CCDC51: variants seen among roughly 807,000 people sequenced by gnomAD.
CCDC51 encodes the protein mitochondrial potassium channel.
A neutral mutation model predicts 24.8 loss-of-function variants in CCDC51; 25 were observed. The observed-to-expected ratio is 1.01, with a 90% CI of 0.73 to 1.41. The LOEUF is 1.41. Ranked by LOEUF, CCDC51 falls within the 40% of genes most tolerant of loss-of-function variation. The pLI is 0.00. For missense variants in CCDC51, 466 were observed against 519.1 expected, an observed-to-expected ratio of 0.90 and a Z score of 0.99; for synonymous variants, 190 against 204.3, an observed-to-expected ratio of 0.93 and a Z score of 0.60.
chr3:48,438,880 A>G (rs1440219340), intron 1 of CCDC51, among the ~76,000 whole-genome samples: 1 of 152,104 alleles, frequency 6.6e-6, no homozygotes, highest in Non-Finnish European at 1.5e-5. Flanking sequence ...GAACCTACCC[A>G]CTGGCTCTCA....
chr3:48,440,716 CCTGAA>C, upstream of CCDC51: 1 of 1,204,410 alleles, frequency 8.3e-7, no homozygotes, highest in South Asian at 1.3e-5. Flanking sequence ...TTTCCTGCCT[CCTGAA>C]CTGCGAGGTC....
Position 48,432,837 on chromosome 3 carries a change from C to T in CCDC51, c.807G>A (p.Leu269=). The T allele has an allele frequency of 6.2e-7, 1 of 1,613,706 alleles. No individual in the cohort carries two copies. The highest frequency in any genetic ancestry group is 8.5e-7 in the Non-Finnish European group (1 of 1,179,726). ...QRDLHNLMVD[L]RGLVHAAGPG... ...GCCCAGCAGCATGTACCAGGCCCCT[C>T]AGGTCCACCATGAGATTGTGGAGGT... The change falls in exon 4 of 4, where the codon CTG becomes CTA. Residue 269 remains leucine (L), a synonymous_variant. Coordinates refer to ENST00000395694, the MANE Select transcript of CCDC51 (RefSeq NM_001256964.2).
In CCDC51 at chr3:48,433,767, A is replaced by C; in HGVS notation, c.417T>G (p.Arg139=). The C allele has an allele frequency of 6.2e-7, 1 of 1,614,062 alleles. No homozygotes were observed. The highest frequency in any genetic ancestry group is 8.5e-7 in the Non-Finnish European group (1 of 1,179,996). ...KLKEVRDRLD[R]VSREDSQYLE... ...AGTACTGACTGTCCTCCCTGGAGAC[A>C]CGGTCCAAGCGGTCCCTCACCTCCT... The change falls in exon 3 of 4, where the codon CGT becomes CGG. Residue 139 remains arginine (R), a synonymous_variant. Transcript: ENST00000395694. This position sits in a 1 kb window ranked among gnomAD's most constrained non-coding sequence, Gnocchi z 4.4.
At chr3:48,440,609 C>G, upstream of CCDC51, 1 of 1,611,528 alleles carries the variant, frequency 6.2e-7, no homozygotes, top group Non-Finnish European at 8.5e-7. Flanking sequence ...AAGCGAAGGC[C>G]GCGGGGAAGG....
intron 1 of CCDC51, among the ~76,000 whole-genome samples, chr3:48,438,537 G>A (rs1004789043): frequency 1.3e-5 from 2 of 151,854 alleles, no homozygotes; most frequent in Admixed American, 6.6e-5. Context: ...CAACAACCTC[G>A]CATCACCCCT....
Position 48,434,960 on chromosome 3 carries a change from G to A in CCDC51, c.169C>T (p.His57Tyr). Reference protein sequence around the residue: ...KRPEEVALGLHHRLPALGRAL... With the variant: ...KRPEEVALGLYHRLPALGRAL... ...CTTCCCAGTGCTGGGAGGCGGTGGT[G>A]CAGCCCCAGGGCCACCTCCTCAGGT... Residue 57 changes from histidine to tyrosine, a missense_variant, in exon 2 of 4, where the codon CAC becomes TAC. By Grantham distance (83) the His-to-Tyr change is moderately conservative. Transcript: ENST00000395694. The A allele has an allele frequency of 6.2e-7, 1 of 1,614,234 alleles. No homozygotes were observed. The highest frequency in any genetic ancestry group is 8.5e-7 in the Non-Finnish European group (1 of 1,180,050).
At chr3:48,441,462 C>T (rs1393873994), upstream of CCDC51, among the ~76,000 whole-genome samples, 2 of 150,548 alleles carry the variant, frequency 1.3e-5, no homozygotes, top group African/African-American at 4.9e-5. Context: ...GGATTACAAG[C>T]GTGAGCCACA....
upstream of CCDC51, among the ~76,000 whole-genome samples, chr3:48,442,465 T>A (rs2039593182): frequency 6.6e-6 from 1 of 151,084 alleles, no homozygotes; most frequent in Non-Finnish European, 1.5e-5. Context: ...TTTTTTTTTT[T>A]TTTTTTTAAA....
upstream of CCDC51, chr3:48,440,666 G>C (rs759347675): frequency 2.0e-5 from 31 of 1,579,366 alleles, no homozygotes; most frequent in Admixed American, 5.2e-5. Context: ...CTGGCCAAAC[G>C]CTATGAGCAC....
chr3:48,432,575 T>C lies in CCDC51; in HGVS notation c.1069A>G (p.Met357Val). Residue 357 changes from methionine (M) to valine (V), a missense_variant, in exon 4 of 4, where the codon ATG (methionine) becomes GTG (valine). Transcript: ENST00000395694. ...PGLVEPADGA[M>V]PSFLLEQGSM... Reference sequence around the variant, plus strand: ...CCCTGCTCCAGCAAGAAGCTGGGCATAGCCCCGTCTGCTGGTTCCACCAGG... The same window carrying C: ...CCCTGCTCCAGCAAGAAGCTGGGCACAGCCCCGTCTGCTGGTTCCACCAGG... 1 of 1,614,264 alleles carries C rather than the reference T, an allele frequency of 6.2e-7. No individual in the cohort carries two copies. Among genetic ancestry groups the C allele is most frequent in the Non-Finnish European group, 8.5e-7 (1 of 1,180,042 alleles).
In CCDC51 at chr3:48,433,410, G is replaced by A. The variant is rs1316775482; in HGVS notation, c.478-244C>T. On this transcript the variant is annotated intron_variant, in intron 3 of 3. Coordinates refer to ENST00000395694, the MANE Select transcript of CCDC51 (RefSeq NM_001256964.2). This position sits in a 1 kb window ranked among gnomAD's most constrained non-coding sequence, Gnocchi z 4.4. Reference sequence around the variant, plus strand: ...TGGGTTTGACCAGAGGTGCACTTATGTCTACACAAAGGGAAGTGTCCAGCA... The same window carrying A: ...TGGGTTTGACCAGAGGTGCACTTATATCTACACAAAGGGAAGTGTCCAGCA... 6.6e-6 allele frequency among the ~76,000 whole-genome samples: 1 copy of A among 152,208 alleles called. No homozygotes were observed. Among genetic ancestry groups the A allele is most frequent in the Non-Finnish European group, 1.5e-5 (1 of 68,042 alleles).
Position 48,440,053 on chromosome 3 carries a change from G to T in CCDC51, c.-74C>A. The T allele has an allele frequency of 1.6e-6, 1 of 620,570 alleles. No homozygotes were observed. Among genetic ancestry groups the T allele is most frequent in the South Asian group, 2.4e-5 (1 of 41,594 alleles). The allele number at this position is 620,570 out of a possible 1,614,324, so 38.4% of individuals were successfully genotyped here. ...CCGTCCGGTTAAGTACCCCTCCTAC[G>T]GTTCCGATTCTACCCTGGCAGGACA... On this transcript the variant is annotated 5_prime_UTR_variant, in exon 1 of 4. Transcript: ENST00000395694.
chr3:48,440,478 C>CA (rs772745215), upstream of CCDC51: 2 of 1,608,856 alleles, frequency 1.2e-6, no homozygotes, highest in African/African-American at 1.3e-5. Context: ...GGCGCGGAGG[C>CA]ACTGGCGGGT....
intron 1 of CCDC51, among the ~76,000 whole-genome samples, chr3:48,438,624 CCT>C (rs2039443360): frequency 6.6e-6 from 1 of 152,194 alleles, no homozygotes; most frequent in African/African-American, 2.4e-5. Context: ...GATCCCTCCT[CCT>C]CTCACCTCTG....
chr3:48,441,560 G>A (rs1422819333), upstream of CCDC51, among the ~76,000 whole-genome samples: 1 of 151,536 alleles, frequency 6.6e-6, no homozygotes, highest in African/African-American at 2.4e-5. Context: ...TTTACTTCTG[G>A]GTATGCCTAG....
At chr3:48,441,527 T>C (rs2039567642), upstream of CCDC51, among the ~76,000 whole-genome samples, 1 of 151,812 alleles carries the variant, frequency 6.6e-6, no homozygotes, top group South Asian at 2.1e-4. Context: ...CTCTAATATA[T>C]GCTTTTTTGC....
chr3:48,442,204 T>C (rs2039586177), upstream of CCDC51, among the ~76,000 whole-genome samples: 1 of 150,294 alleles, frequency 6.7e-6, no homozygotes, highest in African/African-American at 2.5e-5. Flanking sequence ...CAGGCTGTAG[T>C]GAGCTGGGAT....
Position 48,433,276 on chromosome 3 carries a change from T to C in CCDC51, c.478-110A>G. The stretch of plus-strand genomic sequence containing the variant: ...TGTGCCTGGCAGAGTACATGTTCCA[T>C]AGACCCATGCTGAATGAATGAAGGT... On this transcript the variant is annotated intron_variant, in intron 3 of 3. Coordinates refer to ENST00000395694, the MANE Select transcript of CCDC51 (RefSeq NM_001256964.2). The surrounding 1 kb of genome is among the most constrained non-coding windows in gnomAD (Gnocchi z 4.4). The C allele has an allele frequency of 9.5e-7, 1 of 1,057,718 alleles. No homozygotes were observed. Among genetic ancestry groups the C allele is most frequent in the Non-Finnish European group, 1.4e-6 (1 of 731,446 alleles). 65.5% of individuals were successfully genotyped at this position (1,057,718 alleles called of 1,614,324 possible). A position where few individuals can be genotyped will look rare whatever the true frequency, so the allele number is the denominator to read the frequency against.
Position 48,435,395 on chromosome 3 carries a change from C to T in CCDC51, c.-8-259G>A, listed in dbSNP as rs577675491. 6.6e-6 allele frequency among the ~76,000 whole-genome samples: 1 copy of T among 152,292 alleles called. No homozygotes were observed. The highest frequency in any genetic ancestry group is 1.9e-4 in the East Asian group (1 of 5,182). ...TACCTTCCAGTGCCCGCCACCATGC[C>T]ACACAAAGCGGACCCTTCCCTGCTA... On this transcript the variant is annotated intron_variant, in intron 1 of 3. Coordinates refer to ENST00000395694, the MANE Select transcript of CCDC51 (RefSeq NM_001256964.2). This position sits in a 1 kb window ranked among gnomAD's most constrained non-coding sequence, Gnocchi z 4.2.
Sources: allele counts gnomAD v4.1 joint callset (sites outside exome capture counted in the v4.1 genomes callset), GRCh38; gene constraint gnomAD v4.1.1; non-coding constraint Gnocchi (gnomAD v3.1); transcripts MANE v1.5; gene names NCBI Gene and HGNC (gene_info 2026-07-23, HGNC 2026-07-21).